DNAJB14: variants seen among roughly 807,000 people sequenced by gnomAD.
The protein encoded by DNAJB14 is DnaJ heat shock protein family (Hsp40) member B14.
In DNAJB14, 22 loss-of-function variants were observed where a neutral mutation model predicts 48.4. The observed-to-expected ratio is 0.45, with a 90% CI of 0.32 to 0.65. The LOEUF (loss-of-function observed/expected upper bound fraction) is 0.65, where lower values mean the gene tolerates loss of function less well. Among genes scored for constraint, DNAJB14 ranks in the 30% least tolerant of loss-of-function variants. The pLI is 0.03. For synonymous variants in DNAJB14, 142 were observed against 158.7 expected, an observed-to-expected ratio of 0.89 and a Z score of 0.79; for missense variants, 319 against 458.8, an observed-to-expected ratio of 0.70 and a Z score of 2.78.
rs965499276 is a variant in DNAJB14 at position 99,946,608 on chromosome 4, C to G, written c.-37G>C. 2 of 1,607,824 alleles carry G rather than the reference C, an allele frequency of 1.2e-6. No individual in the cohort carries two copies. The highest frequency in any genetic ancestry group is 1.7e-6 in the Non-Finnish European group (2 of 1,176,062). On this transcript the variant is annotated 5_prime_UTR_variant, in exon 1 of 8. Transcript: ENST00000442697. Reference sequence around the variant, plus strand: ...TCTTCCGTTTCCTCCGGCAGCGCAGCTAAGAAGGGCGGAAGCCGCCGCCGC... The same window carrying G: ...TCTTCCGTTTCCTCCGGCAGCGCAGGTAAGAAGGGCGGAAGCCGCCGCCGC...
chr4:99,910,768 G>T (rs1725630214), intron 3 of DNAJB14, among the ~76,000 whole-genome samples: 1 of 151,208 alleles, frequency 6.6e-6, no homozygotes, highest in African/African-American at 2.4e-5. Context: ...ATTTATTTTG[G>T]TATTCATAAG....
chr4:99,909,023 A>G (rs1027274965), intron 3 of DNAJB14, 127 bp from the exon 4 acceptor site: 8 of 588,130 alleles, frequency 1.4e-5, no homozygotes, highest in Non-Finnish European at 2.1e-5. Flanking sequence ...GTTAAAAATA[A>G]GTTCTTTTAA....
chr4:99,930,389 T>C (rs1726419821), intron 2 of DNAJB14, 61 bp downstream of exon 2: 2 of 1,482,134 alleles, frequency 1.3e-6, no homozygotes, highest in South Asian at 1.5e-5. Flanking sequence ...TCAGGTGTTA[T>C]AACATCAAAA....
At chr4:99,922,796 T>C (rs1726107869) in intron 3 of DNAJB14, 1 of 349,904 alleles carries the variant, frequency 2.9e-6, no homozygotes, top group East Asian at 4.8e-5. Flanking sequence ...AAAGCATGCA[T>C]ATGTGCCTAG....
chr4:99,936,342 T>C (rs1378215287), intron 1 of DNAJB14, among the ~76,000 whole-genome samples: 1 of 152,218 alleles, frequency 6.6e-6, no homozygotes, highest in Non-Finnish European at 1.5e-5. Flanking sequence ...TTACTAAAAA[T>C]GGAAGTGTGT....
chr4:99,906,982 T>G (rs1725489296), intron 4 of DNAJB14, among the ~76,000 whole-genome samples: 2 of 152,184 alleles, frequency 1.3e-5, no homozygotes, highest in South Asian at 4.1e-4. Flanking sequence ...ATCATAAACA[T>G]CTCTAGAAAT....
chr4:99,913,244 T>C (rs967318184), intron 3 of DNAJB14, among the ~76,000 whole-genome samples: 1 of 152,208 alleles, frequency 6.6e-6, no homozygotes, highest in Non-Finnish European at 1.5e-5. Context: ...TAAAGAGATA[T>C]TCTTGCTTTA....
At chr4:99,942,374 G>A (rs1001400846) in intron 1 of DNAJB14, 1 of 151,500 alleles carries the variant, frequency 6.6e-6, no homozygotes, top group Non-Finnish European at 1.5e-5. Flanking sequence ...TTATGAAATT[G>A]CAATGCAAAG....
At chr4:99,944,910 G>C (rs538969664) in intron 1 of DNAJB14, among the ~76,000 whole-genome samples, 3 of 152,052 alleles carry the variant, frequency 2.0e-5, no homozygotes, top group African/African-American at 7.2e-5. Flanking sequence ...AATTCTTCAC[G>C]TTACAACATA....
chr4:99,916,538 C>T (rs1221680686), intron 3 of DNAJB14, among the ~76,000 whole-genome samples: 1 of 152,118 alleles, frequency 6.6e-6, no homozygotes, highest in African/African-American at 2.4e-5. Flanking sequence ...GGGTTTAAGC[C>T]TGCCATTTTA....
intron 1 of DNAJB14, among the ~76,000 whole-genome samples, chr4:99,932,596 A>G (rs1191056863): frequency 1.3e-5 from 2 of 152,204 alleles, no homozygotes; most frequent in Non-Finnish European, 2.9e-5. Context: ...ATCATCTAGT[A>G]GTTCTTTAAA....
chr4:99,924,798 T>C (rs542600410), intron 2 of DNAJB14: 148 of 1,591,152 alleles, frequency 9.3e-5, no homozygotes, highest in Non-Finnish European at 1.2e-4. Flanking sequence ...ATATCAATGT[T>C]CCAATATCCA....
chr4:99,912,835 C>A (rs1016399040), intron 3 of DNAJB14, among the ~76,000 whole-genome samples: 2 of 152,094 alleles, frequency 1.3e-5, no homozygotes, highest in Non-Finnish European at 2.9e-5. Flanking sequence ...TATTTCAGTC[C>A]ATTTATTTAG....
At chr4:99,921,877 G>GT (rs1315595592) in intron 3 of DNAJB14, among the ~76,000 whole-genome samples, 2 of 151,932 alleles carry the variant, frequency 1.3e-5, no homozygotes, top group East Asian at 1.9e-4. Flanking sequence ...TATTATCTGT[G>GT]TTTTTTTAAA....
chr4:99,916,543 A>G (rs568881940), intron 3 of DNAJB14, among the ~76,000 whole-genome samples: 9 of 152,236 alleles, frequency 5.9e-5, no homozygotes, highest in African/African-American at 1.7e-4. Context: ...TAAGCCTGCC[A>G]TTTTATTTTT....
Position 99,946,612 on chromosome 4 carries a change from G to A in DNAJB14, c.-41C>T, listed in dbSNP as rs1727090969. 3 of 1,605,722 alleles carry A rather than the reference G, an allele frequency of 1.9e-6. No individual in the cohort carries two copies. Among genetic ancestry groups the A allele is most frequent in the East Asian group, 2.3e-5 (1 of 44,406 alleles). On this transcript the variant is annotated 5_prime_UTR_variant, in exon 1 of 8. Transcript: ENST00000442697. ...CCGTTTCCTCCGGCAGCGCAGCTAA[G>A]AAGGGCGGAAGCCGCCGCCGCGGAG...
intron 3 of DNAJB14, among the ~76,000 whole-genome samples, chr4:99,918,153 CT>C (rs1483566457): frequency 6.6e-6 from 1 of 152,124 alleles, no homozygotes; most frequent in Non-Finnish European, 1.5e-5. Context: ...AGGCTATGTC[CT>C]TTTTCATCTT....
intron 1 of DNAJB14, among the ~76,000 whole-genome samples, chr4:99,945,912 AG>A (rs1348717042): frequency 6.6e-6 from 1 of 152,232 alleles, no homozygotes; most frequent in East Asian, 1.9e-4. Flanking sequence ...TCTCTTTTAA[AG>A]GAACTCTCTC....
chr4:99,913,184 C>T (rs1251459237), intron 3 of DNAJB14, among the ~76,000 whole-genome samples: 1 of 152,066 alleles, frequency 6.6e-6, no homozygotes, highest in East Asian at 1.9e-4. Context: ...TCCTTTTTCT[C>T]TCTTTAACGC....
Sources: gnomAD v4.1 joint callset for allele counts (sites outside exome capture counted in the v4.1 genomes callset) on GRCh38, gnomAD v4.1.1 for gene constraint, MANE v1.5 for transcripts, NCBI Gene and HGNC (gene_info 2026-07-23, HGNC 2026-07-21) for gene names.